Variants in TASP1 observed in about 807,000 individuals in gnomAD.
TASP1 encodes taspase 1.
A neutral mutation model predicts 56.6 loss-of-function variants in TASP1; 16 were observed. That is an observed-to-expected ratio of 0.28 (90% CI 0.19 to 0.43). The LOEUF is 0.43. Ranked by LOEUF, TASP1 falls within the 20% of genes least tolerant of loss-of-function variation. The pLI is 1.00. For missense variants in TASP1, 393 were observed against 511.6 expected, an observed-to-expected ratio of 0.77 and a Z score of 2.24; for synonymous variants, 179 against 184.2, an observed-to-expected ratio of 0.97 and a Z score of 0.23.
the TASP1 span, among the ~76,000 whole-genome samples, chr20:13,150,735 C>T: frequency 3.3e-5 from 5 of 152,112 alleles, no homozygotes; most frequent in Admixed American, 1.3e-4. Flanking sequence ...TTCATCTTTC[C>T]AGCCTCATCT....
At chr20:13,198,341 G>T in the TASP1 span, among the ~76,000 whole-genome samples, 2 of 152,270 alleles carry the variant, frequency 1.3e-5, no homozygotes, top group South Asian at 4.1e-4. Context: ...CCCAGCTGCA[G>T]ATGGCTGACT....
At chr20:13,496,829 A>C (rs1009935498) in intron 10 of TASP1, among the ~76,000 whole-genome samples, 2 of 152,230 alleles carry the variant, frequency 1.3e-5, no homozygotes, top group Non-Finnish European at 2.9e-5. Flanking sequence ...CAGATAAGCT[A>C]CAGTCATGGG....
At chr20:13,496,210 C>T (rs1405629504) in intron 10 of TASP1, among the ~76,000 whole-genome samples, 1 of 152,126 alleles carries the variant, frequency 6.6e-6, no homozygotes, top group Non-Finnish European at 1.5e-5. Flanking sequence ...CCTGCCACCA[C>T]ACCTGGTTAA....
chr20:13,344,191 G>T, the TASP1 span, among the ~76,000 whole-genome samples: 1 of 151,946 alleles, frequency 6.6e-6, no homozygotes, highest in African/African-American at 2.4e-5. Flanking sequence ...CCTCTAGACG[G>T]CCAGGAAGTA....
At chr20:13,238,196 A>G in the TASP1 span, 2 of 152,170 alleles carry the variant, frequency 1.3e-5, no homozygotes, top group African/African-American at 2.4e-5. Flanking sequence ...ACATTGCCCA[A>G]ACATTCCCAG....
At chr20:13,539,293 T>C (rs1465628789) in intron 8 of TASP1, among the ~76,000 whole-genome samples, 2 of 152,162 alleles carry the variant, frequency 1.3e-5, no homozygotes, top group African/African-American at 2.4e-5. Context: ...ACTATACAAA[T>C]TGGTACCAAA....
intron 13 of TASP1, among the ~76,000 whole-genome samples, chr20:13,415,444 C>CTTTTTT (rs368921864): frequency 7.5e-6 from 1 of 133,044 alleles, no homozygotes; most frequent in Non-Finnish European, 1.6e-5. Context: ...TTGGGGTTTT[C>CTTTTTT]TTTTTTTTTT....
chr20:13,431,011 C>T (rs1382877058), intron 12 of TASP1, among the ~76,000 whole-genome samples: 2 of 151,974 alleles, frequency 1.3e-5, no homozygotes, highest in Admixed American at 6.6e-5. Context: ...GTAATGAGAA[C>T]ATTATTTACA....
chr20:13,565,741 T>G (rs1302820691), intron 7 of TASP1, among the ~76,000 whole-genome samples: 1 of 152,134 alleles, frequency 6.6e-6, no homozygotes, highest in Non-Finnish European at 1.5e-5. Context: ...TGGTGCACTG[T>G]TGATAGAACA....
Position 13,581,001 on chromosome 20 carries a change from AT to A in TASP1, c.404-21del. The A allele has an allele frequency of 3.8e-6, 6 of 1,573,260 alleles. No individual in the cohort carries two copies. The highest frequency in any genetic ancestry group is 4.5e-5 in the East Asian group (2 of 44,554). ...TGATTCCTATAAAAAAAAAAAAAAA[AT>A]TGGCAAAAAAGATGTCAGAAATGTC... is the stretch of plus-strand genomic sequence containing the variant. On this transcript the variant is annotated intron_variant, in intron 5 of 13. Coordinates refer to ENST00000337743, the MANE Select transcript of TASP1 (RefSeq NM_017714.3).
chr20:13,141,790 T>C, the TASP1 span, among the ~76,000 whole-genome samples: 1 of 152,230 alleles, frequency 6.6e-6, no homozygotes, highest in African/African-American at 2.4e-5. Context: ...ATGTTGGTGC[T>C]ATGCTCCACT....
In TASP1 at chr20:13,490,899, T is replaced by C. The variant is rs148566818; in HGVS notation, c.875-7562A>G. Among the ~76,000 whole-genome samples, 311 of 152,268 alleles carry C rather than the reference T, an allele frequency of 2.0e-3. 1 individual carries two copies. The highest frequency in any genetic ancestry group is 3.2e-3 in the Non-Finnish European group (217 of 68,028). ...GAAAAATCACATAAAGCATTTAGCA[T>C]GGAGTTGACCATAGAGTAAGCACTT... On this transcript the variant is annotated intron_variant, in intron 10 of 13. Coordinates refer to ENST00000337743, the MANE Select transcript of TASP1 (RefSeq NM_017714.3).
At chr20:13,173,969 T>G in the TASP1 span, among the ~76,000 whole-genome samples, 1 of 152,142 alleles carries the variant, frequency 6.6e-6, no homozygotes, top group African/African-American at 2.4e-5. Flanking sequence ...CTTTCAGAAT[T>G]TTGTAGCTTG....
the TASP1 span, among the ~76,000 whole-genome samples, chr20:13,357,389 A>C: frequency 6.6e-6 from 1 of 152,192 alleles, no homozygotes; most frequent in Admixed American, 6.5e-5. Context: ...TCAGATAACT[A>C]TTTTGTTGCT....
intron 13 of TASP1, chr20:13,393,382 T>C (rs971200704): frequency 1.5e-5 from 11 of 743,886 alleles, no homozygotes; most frequent in African/African-American, 3.5e-5. Context: ...CATGTCCCCA[T>C]TGCCAATGTG....
the TASP1 span, among the ~76,000 whole-genome samples, chr20:13,212,046 G>T: frequency 2.7e-4 from 41 of 152,262 alleles, no homozygotes; most frequent in African/African-American, 9.4e-4. Context: ...TTTTGGCAGA[G>T]ATAATTCTAT....
chr20:13,384,038 A>T, the TASP1 span, among the ~76,000 whole-genome samples: 2 of 152,216 alleles, frequency 1.3e-5, no homozygotes, highest in Non-Finnish European at 2.9e-5. Flanking sequence ...TACATGGAAA[A>T]GAACACATGT....
chr20:13,287,276 T>A, the TASP1 span, among the ~76,000 whole-genome samples: 5 of 152,164 alleles, frequency 3.3e-5, no homozygotes, highest in Admixed American at 2.0e-4. Flanking sequence ...TTACATGGTG[T>A]CAGGCCAGGG....
the TASP1 span, among the ~76,000 whole-genome samples, chr20:13,317,765 C>A: frequency 6.6e-6 from 1 of 152,196 alleles, no homozygotes; most frequent in South Asian, 2.1e-4. Flanking sequence ...TAGTCACAGA[C>A]TTTATACCCT....
Sources: allele counts gnomAD v4.1 joint callset (sites outside exome capture counted in the v4.1 genomes callset), GRCh38; gene constraint gnomAD v4.1.1; transcripts MANE v1.5; gene names NCBI Gene and HGNC (gene_info 2026-07-23, HGNC 2026-07-21).